FHIP1B: variants seen among roughly 807,000 people sequenced by gnomAD.
FHIP1B encodes the protein FHF complex subunit HOOK interacting protein 1B, also known as FHF complex subunit HOOK-interacting protein 1B.
A neutral mutation model predicts 82.2 loss-of-function variants in FHIP1B; 28 were observed. The ratio of observed to expected loss-of-function variants is 0.34; its 90% CI spans 0.25 to 0.47. The LOEUF is 0.47. Ranked by LOEUF, FHIP1B falls within the 20% of genes least tolerant of loss-of-function variation. The pLI is 1.00. For missense variants in FHIP1B, 1,110 were observed against 1,262.6 expected (o/e 0.88, Z 1.83); for synonymous variants, 585 against 516.1 (o/e 1.13, Z -1.81).
Position 6,223,156 on chromosome 11 carries a change from C to A in FHIP1B, c.860G>T (p.Arg287Leu). ...EVPGDDWHCLRREDWLGVPAL... is the reference protein window; with the variant it reads ...EVPGDDWHCLLREDWLGVPAL... ...TGGCACTCCCAGCCAGTCTTCCCGT[C>A]GCAGACAGTGCCAATCATCCCCTGG... Residue 287 changes from arginine to leucine, a missense_variant, in exon 4 of 12, where the codon CGA becomes CTA. By Grantham distance (102) the Arg-to-Leu change is moderately radical. Around this residue, in one of 6 missense-constraint regions of FHIP1B, gnomAD observed 467 missense variants for 602.9 expected, o/e 0.77. Coordinates refer to ENST00000449352, the MANE Select transcript of FHIP1B (RefSeq NM_001098794.2). The surrounding 1 kb of genome is among the most constrained non-coding windows in gnomAD (Gnocchi z 4.8). The A allele has an allele frequency of 6.2e-7, 1 of 1,608,858 alleles. No homozygotes were observed. The highest frequency in any genetic ancestry group is 8.5e-7 in the Non-Finnish European group (1 of 1,178,762).
At chr11:6,211,913 C>A in intron 11 of FHIP1B, 46 bp from the exon 12 acceptor site, 1 of 1,495,224 alleles carries the variant, frequency 6.7e-7, no homozygotes, top group African/African-American at 1.4e-5. Context: ...ATCAGGGAAC[C>A]TCCCTTGGAC....
chr11:6,234,384 C>T (rs867417640), intron 1 of FHIP1B, among the ~76,000 whole-genome samples, 160 bp downstream of exon 1: 9 of 152,136 alleles, frequency 5.9e-5, no homozygotes, highest in African/African-American at 2.2e-4. Context: ...GTCCACTCAC[C>T]TGTAAGCTCT....
rs140450472 is a variant in FHIP1B, at chr11:6,223,093, T to C, written c.923A>G (p.Asn308Ser). 14 of 1,581,582 alleles carry C rather than the reference T, an allele frequency of 8.9e-6. No homozygotes were observed. The highest frequency in any genetic ancestry group is 1.4e-5 in the African/African-American group (1 of 72,814). Residue 308 changes from asparagine to serine, a missense_variant, in exon 4 of 12, where the codon AAT becomes AGT. Physicochemically the swap from Asn to Ser is conservative, Grantham distance 46 (BLOSUM62 1). Around this residue, in one of 6 missense-constraint regions of FHIP1B, gnomAD observed 467 missense variants for 602.9 expected, o/e 0.77. Transcript: ENST00000449352. This position sits in a 1 kb window ranked among gnomAD's most constrained non-coding sequence, Gnocchi z 4.8. Reference sequence around the variant, plus strand: ...TTTCAGTCCTACCTGAATTACTGCATTGCAGAACTCCAGGGAACTCATGAA... The same window carrying C: ...TTTCAGTCCTACCTGAATTACTGCACTGCAGAACTCCAGGGAACTCATGAA... ...ALFMSSLEFC[N>S]AVIQVAHPLV...
At chr11:6,228,747 C>T (rs952496467) in intron 1 of FHIP1B, among the ~76,000 whole-genome samples, 1 of 152,212 alleles carries the variant, frequency 6.6e-6, no homozygotes, top group Non-Finnish European at 1.5e-5. Context: ...GCCACAGAAG[C>T]ACTGCTAAGT....
At chr11:6,222,930 A>T in intron 4 of FHIP1B, 33 bp from the exon 5 acceptor site, 1 of 1,605,958 alleles carries the variant, frequency 6.2e-7, no homozygotes, top group Non-Finnish European at 8.5e-7. Flanking sequence ...GGGGAGGGTT[A>T]TGAGGAGACC....
intron 9 of FHIP1B, chr11:6,216,510 C>T (rs1206722251): frequency 1.9e-5 from 3 of 155,074 alleles, no homozygotes; most frequent in African/African-American, 7.2e-5. Context: ...TGATCTTAGC[C>T]TTAGCTACTA....
intron 1 of FHIP1B, among the ~76,000 whole-genome samples, chr11:6,226,948 T>G (rs1433196891): frequency 6.6e-6 from 1 of 152,190 alleles, no homozygotes; most frequent in Admixed American, 6.5e-5. Context: ...AAGAAAGTAA[T>G]GTCATGAACT....
chr11:6,226,120 A>G (rs1847558053), intron 1 of FHIP1B, among the ~76,000 whole-genome samples: 1 of 152,198 alleles, frequency 6.6e-6, no homozygotes. Context: ...AGGAATCCAG[A>G]GACCTGGCAC....
At position 6,214,403 on chromosome 11, in the gene FHIP1B, G is replaced by C. The variant is rs1847164477; in HGVS notation, c.2557+8C>G. On this transcript the variant is annotated splice_region_variant and intron_variant, in intron 11 of 11. Transcript: ENST00000449352. The stretch of plus-strand genomic sequence containing the variant: ...GGGCAGGTACGGGTGTGGTGGGATA[G>C]GCCTCACCTAGGGGATCAGAACGGC... 1 of 1,602,290 alleles carries C rather than the reference G, an allele frequency of 6.2e-7. No individual in the cohort carries two copies. Among genetic ancestry groups the C allele is most frequent in the Non-Finnish European group, 8.5e-7 (1 of 1,173,384 alleles).
chr11:6,211,401 A>T lies in FHIP1B; in HGVS notation c.*105T>A. On this transcript the variant is annotated 3_prime_UTR_variant, in exon 12 of 12. Coordinates refer to ENST00000449352, the MANE Select transcript of FHIP1B (RefSeq NM_001098794.2). ...AGTTCTCCATAAAACATTCATCTGA[A>T]ATAAATTAAAAAGTCCTTTTGCCAC... is the stretch of plus-strand genomic sequence containing the variant. The T allele has an allele frequency of 7.3e-7, 1 of 1,362,622 alleles. No homozygotes were observed. The highest frequency in any genetic ancestry group is 2.4e-5 in the East Asian group (1 of 41,974). 84.4% of individuals were successfully genotyped at this position (1,362,622 alleles called of 1,614,324 possible). A position where few individuals can be genotyped will look rare whatever the true frequency, so the allele number is the denominator to read the frequency against.
intron 6 of FHIP1B, 22 bp from the exon 7 acceptor site, chr11:6,219,072 A>T: frequency 6.4e-7 from 1 of 1,565,814 alleles, no homozygotes; most frequent in Non-Finnish European, 8.8e-7. Flanking sequence ...GAGGGGAGGG[A>T]GGGAGTCACC....
At position 6,214,586 on chromosome 11, in the gene FHIP1B, C is replaced by A. The variant is rs1207770325; in HGVS notation, c.2395-13G>T. The A allele has an allele frequency of 6.2e-7, 1 of 1,605,306 alleles. No individual in the cohort carries two copies. Among genetic ancestry groups the A allele is most frequent in the Non-Finnish European group, 8.5e-7 (1 of 1,174,772 alleles). On this transcript the variant is annotated splice_polypyrimidine_tract_variant and intron_variant, in intron 10 of 11. Transcript: ENST00000449352. ...CAGAGCCCAGCACCTATGAAGCACA[C>A]CTTCGTGACATTTCTGAGCAGCTCT...
At chr11:6,231,250 A>G (rs1341135623) in intron 1 of FHIP1B, among the ~76,000 whole-genome samples, 1 of 152,172 alleles carries the variant, frequency 6.6e-6, no homozygotes, top group Admixed American at 6.5e-5. Context: ...GTAAAAGAGC[A>G]GAAAGTATGA....
rs1242426450 is a variant in FHIP1B, at chr11:6,224,180, C to G, written c.207G>C (p.Val69=). 2 of 1,613,488 alleles carry G rather than the reference C, an allele frequency of 1.2e-6. No individual in the cohort carries two copies. The highest frequency in any genetic ancestry group is 8.5e-7 in the Non-Finnish European group (1 of 1,179,754). Residue 69 remains valine, a synonymous_variant, in exon 3 of 12, where the codon GTG becomes GTC. Coordinates refer to ENST00000449352, the MANE Select transcript of FHIP1B (RefSeq NM_001098794.2). Reference sequence around the variant, plus strand: ...TCAACATCTGGTAAGTGTGGTTGCGCACAGCACTGAGATCGTCTGCACCCC... The same window carrying G: ...TCAACATCTGGTAAGTGTGGTTGCGGACAGCACTGAGATCGTCTGCACCCC... ...APGGADDLSA[V]RNHTYQMLTL...
At position 6,218,023 on chromosome 11, in the gene FHIP1B, A is replaced by AGGGGCT; in HGVS notation, c.1557_1562dup (p.Ala520_Pro521dup). The AGGGGCT allele has an allele frequency of 6.2e-7, 1 of 1,613,522 alleles. No homozygotes were observed. The highest frequency in any genetic ancestry group is 8.5e-7 in the Non-Finnish European group (1 of 1,179,806). On this transcript the variant is annotated inframe_insertion, in exon 9 of 12. Transcript: ENST00000449352. ...GGGATGCAGAAAGCCCTGGTGAGCAAGGGGCTGGGCCTGGAGACTCAGAGC... is the reference window on the plus strand; with the variant it reads ...GGGATGCAGAAAGCCCTGGTGAGCAAGGGGCTGGGGCTGGGCCTGGAGACTCAGAGC...
chr11:6,215,854 T>C (rs776545799), intron 9 of FHIP1B, among the ~76,000 whole-genome samples: 2 of 152,140 alleles, frequency 1.3e-5, no homozygotes, highest in South Asian at 2.1e-4. Context: ...GTACTATGCA[T>C]TGAGACAGGA....
In FHIP1B at chr11:6,223,315, C is replaced by G. The variant is rs1266866801; in HGVS notation, c.778-77G>C. 2.1e-6 allele frequency: 3 copies of G among 1,460,838 alleles called. No homozygotes were observed. The highest frequency in any genetic ancestry group is 2.8e-6 in the Non-Finnish European group (3 of 1,080,868). The allele number at this position is 1,460,838 out of a possible 1,614,324, so 90.5% of individuals were successfully genotyped here. A position where few individuals can be genotyped will look rare whatever the true frequency, so the allele number is the denominator to read the frequency against. On this transcript the variant is annotated intron_variant, in intron 3 of 11. Coordinates refer to ENST00000449352, the MANE Select transcript of FHIP1B (RefSeq NM_001098794.2). This position sits in a 1 kb window ranked among gnomAD's most constrained non-coding sequence, Gnocchi z 4.8. ...AAACTGGAACAGGGGAGCTAGTAAT[C>G]CAGAGTTTTGATGGGAATAGGGGTA...
chr11:6,231,591 C>A lies in FHIP1B; in HGVS notation c.-192+2953G>T, dbSNP rs144947739. Among the ~76,000 whole-genome samples, 1,042 of 151,794 alleles carry A rather than the reference C, an allele frequency of 6.9e-3. 5 individuals carry two copies. Among genetic ancestry groups the A allele is most frequent in the Admixed American group, 0.011 (167 of 15,266 alleles). ...GCTCAAGCAATCCTCCCACCTCAGC[C>A]TCCGGAGTAGCCAGGACCACAAGTA... On this transcript the variant is annotated intron_variant, in intron 1 of 11. Coordinates refer to ENST00000449352, the MANE Select transcript of FHIP1B (RefSeq NM_001098794.2).
In FHIP1B at chr11:6,219,056, G is replaced by C; in HGVS notation, c.1192-6C>G. 6.2e-7 allele frequency: 1 copy of C among 1,608,936 alleles called. No individual in the cohort carries two copies. The highest frequency in any genetic ancestry group is 8.5e-7 in the Non-Finnish European group (1 of 1,176,644). On this transcript the variant is annotated splice_region_variant and splice_polypyrimidine_tract_variant and intron_variant, in intron 6 of 11. Coordinates refer to ENST00000449352, the MANE Select transcript of FHIP1B (RefSeq NM_001098794.2). ...CTCAGAGAGACCATGCAGAGCTGGGGGGGTGGAGGGGAGGGAGGGAGTCAC... is the reference window on the plus strand; with the variant it reads ...CTCAGAGAGACCATGCAGAGCTGGGCGGGTGGAGGGGAGGGAGGGAGTCAC...
Sources: gnomAD v4.1 joint callset for allele counts (sites outside exome capture counted in the v4.1 genomes callset) on GRCh38, gnomAD v4.1.1 for gene constraint, gnomAD v4.1.1 regional missense constraint, Gnocchi (gnomAD v3.1) non-coding constraint, MANE v1.5 for transcripts, NCBI Gene and HGNC (gene_info 2026-07-23, HGNC 2026-07-21) for gene names.